The following ARMC8 variants were observed in gnomAD, a reference collection of about 807,000 sequenced individuals.
ARMC8 encodes armadillo repeat-containing protein 8.
Under a neutral mutation model 99.3 loss-of-function variants are expected in ARMC8, and 20 were observed. The observed-to-expected ratio is 0.20, with a 90% confidence interval of 0.14 to 0.29. The LOEUF is 0.29. Among genes scored for constraint, ARMC8 ranks in the 10% least tolerant of loss-of-function variants. The pLI, the probability that ARMC8 is intolerant of heterozygous loss-of-function variation, is 1.00. For synonymous variants in ARMC8, 263 were observed against 278.3 expected (o/e 0.95, Z 0.55); for missense variants, 569 against 809.5 (o/e 0.70, Z 3.60).
intron 18 of ARMC8, among the ~76,000 whole-genome samples, chr3:138,281,217 G>T (rs578071007): frequency 1.4e-3 from 211 of 149,834 alleles, no homozygotes; most frequent in Non-Finnish European, 1.8e-3. Context: ...TAATGGTGTG[G>T]GTGTGTGTGT....
At chr3:138,230,278 A>C (rs2045964557) in intron 6 of ARMC8, among the ~76,000 whole-genome samples, 1 of 152,194 alleles carries the variant, frequency 6.6e-6, no homozygotes, top group African/African-American at 2.4e-5. Flanking sequence ...AAGGGCTAGA[A>C]TTTCCCAACA....
At chr3:138,225,594 A>G (rs1018835398) in intron 5 of ARMC8, among the ~76,000 whole-genome samples, 3 of 152,274 alleles carry the variant, frequency 2.0e-5, no homozygotes, top group East Asian at 1.9e-4. Flanking sequence ...ATATATGTGT[A>G]TGTATGTATG....
chr3:138,273,885 C>T (rs1253366876), intron 17 of ARMC8, among the ~76,000 whole-genome samples: 1 of 151,608 alleles, frequency 6.6e-6, no homozygotes, highest in African/African-American at 2.4e-5. Flanking sequence ...GGCACAGTCT[C>T]CGGTCATTGC....
At chr3:138,246,086 C>A in intron 12 of ARMC8, 2 of 985,264 alleles carry the variant, frequency 2.0e-6, no homozygotes, top group Non-Finnish European at 1.2e-6. Flanking sequence ...TTAGAGTTTA[C>A]CATGATTCAG....
intron 5 of ARMC8, among the ~76,000 whole-genome samples, chr3:138,225,303 G>A (rs917253245): frequency 8.5e-5 from 13 of 152,188 alleles, no homozygotes; most frequent in African/African-American, 2.2e-4. Context: ...TAGAGACGGG[G>A]TTTCACCATG....
chr3:138,189,021 A>G (rs1238289779), intron 1 of ARMC8, among the ~76,000 whole-genome samples: 1 of 152,200 alleles, frequency 6.6e-6, no homozygotes, highest in Non-Finnish European at 1.5e-5. Context: ...TTATGTTAAA[A>G]AAAAATAGTA....
At chr3:138,266,726 G>A (rs1047858344) in intron 14 of ARMC8, among the ~76,000 whole-genome samples, 9 of 152,206 alleles carry the variant, frequency 5.9e-5, no homozygotes, top group South Asian at 2.1e-4. Flanking sequence ...TGCTTGATTC[G>A]TCAGTGCTCC....
intron 1 of ARMC8, among the ~76,000 whole-genome samples, chr3:138,193,781 T>C (rs1046355055): frequency 4.6e-5 from 7 of 152,192 alleles, no homozygotes; most frequent in African/African-American, 1.4e-4. Flanking sequence ...TGCAGAACCT[T>C]AGGTTTGGTG....
intron 21 of ARMC8, 118 bp from the exon 22 acceptor site, chr3:138,295,741 C>G (rs2051427629): frequency 8.6e-7 from 1 of 1,162,720 alleles, no homozygotes. Flanking sequence ...GGGCTCACCC[C>G]AATTCCCTCT....
At chr3:138,250,337 T>C (rs751282898) in intron 12 of ARMC8, among the ~76,000 whole-genome samples, 1 of 152,074 alleles carries the variant, frequency 6.6e-6, no homozygotes, top group Non-Finnish European at 1.5e-5. Context: ...TAAAAAAATA[T>C]ATTTTTAAGT....
Position 138,199,818 on chromosome 3 carries a change from T to A in ARMC8, c.46-9999T>A, listed in dbSNP as rs183970545. Among the ~76,000 whole-genome samples, 38 of 152,348 alleles carry A rather than the reference T, an allele frequency of 2.5e-4. No individual in the cohort carries two copies. In the East Asian group the frequency reaches 7.3e-3, roughly 29 times the overall value. On this transcript the variant is annotated intron_variant, in intron 1 of 21. Transcript: ENST00000469044. ...CATTGTCACTGGGCTTTAAAATGAA[T>A]AATTGAGAATTTGTGATTGATCTGA...
chr3:138,295,975 T>C lies in ARMC8; in HGVS notation c.*83T>C. ...AACCAGCCTCATTTGATTCCTTCTATTTGCACAAGTCACCTTGGACTGCAG... is the reference window on the plus strand; with the variant it reads ...AACCAGCCTCATTTGATTCCTTCTACTTGCACAAGTCACCTTGGACTGCAG... On this transcript the variant is annotated 3_prime_UTR_variant, in exon 22 of 22. Coordinates refer to ENST00000469044, the MANE Select transcript of ARMC8 (RefSeq NM_001363941.2). 1 of 1,473,656 alleles carries C rather than the reference T, an allele frequency of 6.8e-7. No homozygotes were observed. Among genetic ancestry groups the C allele is most frequent in the Admixed American group, 1.9e-5 (1 of 53,000 alleles). 91.3% of individuals were successfully genotyped at this position (1,473,656 alleles called of 1,614,324 possible). A position where few individuals can be genotyped will look rare whatever the true frequency, so the allele number is the denominator to read the frequency against.
At chr3:138,250,806 A>C (rs995506544) in intron 12 of ARMC8, among the ~76,000 whole-genome samples, 1 of 152,216 alleles carries the variant, frequency 6.6e-6, no homozygotes, top group South Asian at 2.1e-4. Context: ...ATTTTAAAGC[A>C]TATTTGTAAA....
At position 138,187,372 on chromosome 3, in the gene ARMC8, G is replaced by A. The variant is rs2043119952; in HGVS notation, c.-183G>A. The A allele has an allele frequency of 5.1e-6, 3 of 591,012 alleles. No individual in the cohort carries two copies. The highest frequency in any genetic ancestry group is 9.0e-6 in the Non-Finnish European group (3 of 332,404). 36.6% of individuals were successfully genotyped at this position (591,012 alleles called of 1,614,324 possible). A position where few individuals can be genotyped will look rare whatever the true frequency, so the allele number is the denominator to read the frequency against. ...AACGATTCGTAGGACAGCCCCTGAC[G>A]CCATTCCCTTTTGCCCTTCTTTCTG... On this transcript the variant is annotated 5_prime_UTR_variant, in exon 1 of 22. Coordinates refer to ENST00000469044, the MANE Select transcript of ARMC8 (RefSeq NM_001363941.2).
chr3:138,250,826 A>G (rs1194654494), intron 12 of ARMC8, among the ~76,000 whole-genome samples: 1 of 152,142 alleles, frequency 6.6e-6, no homozygotes, highest in Non-Finnish European at 1.5e-5. Context: ...ATTTAGGTCA[A>G]TCTTTCTTAA....
At chr3:138,195,472 T>C (rs1240190038) in intron 1 of ARMC8, among the ~76,000 whole-genome samples, 2 of 152,164 alleles carry the variant, frequency 1.3e-5, no homozygotes, top group Admixed American at 1.3e-4. Context: ...TCTTTTAAAC[T>C]CTGCAAAGAA....
At chr3:138,192,377 A>G (rs1214064521) in intron 1 of ARMC8, among the ~76,000 whole-genome samples, 2 of 146,342 alleles carry the variant, frequency 1.4e-5, no homozygotes, top group Non-Finnish European at 3.0e-5. Context: ...TCCTGGGTTC[A>G]CACCATTCTC....
At chr3:138,201,877 C>T (rs911895156) in intron 1 of ARMC8, among the ~76,000 whole-genome samples, 13 of 152,224 alleles carry the variant, frequency 8.5e-5, no homozygotes, top group African/African-American at 3.1e-4. Flanking sequence ...TTTCTTTTTA[C>T]GTTGTGTTCA....
Position 138,296,112 on chromosome 3 carries a change from T to C in ARMC8, c.*220T>C, listed in dbSNP as rs1389462937. The C allele has an allele frequency of 2.6e-5, 13 of 497,866 alleles. No homozygotes were observed. In the East Asian group the frequency reaches 4.4e-4, roughly 17 times the overall value. The allele number at this position is 497,866 out of a possible 1,614,324, so 30.8% of individuals were successfully genotyped here. ...GACTCTTGTGTTTTGTTTTGGTTTT[T>C]TTTTCTGAGCTACTCGGACTCTTTA... On this transcript the variant is annotated 3_prime_UTR_variant, in exon 22 of 22. Transcript: ENST00000469044.
Sources: allele counts gnomAD v4.1 joint callset (sites outside exome capture counted in the v4.1 genomes callset), GRCh38; gene constraint gnomAD v4.1.1; transcripts MANE v1.5; gene names NCBI Gene and HGNC (gene_info 2026-07-23, HGNC 2026-07-21).